SYNDIG1: variants seen among roughly 807,000 people sequenced by gnomAD.
SYNDIG1 encodes synapse differentiation inducing 1.
SYNDIG1 carries 9 observed loss-of-function variants against 19.4 expected under a neutral mutation model. The observed-to-expected ratio is 0.46, with a 90% CI of 0.28 to 0.81. The LOEUF (loss-of-function observed/expected upper bound fraction) is 0.81. Among genes scored for constraint, SYNDIG1 ranks in the 30% least tolerant of loss-of-function variants. The probability of loss-of-function intolerance (pLI) is 0.12; values close to 1 mark genes in which losing one functional copy is unlikely to be tolerated. For synonymous variants in SYNDIG1, 141 were observed against 145.9 expected (o/e 0.97, Z 0.24); for missense variants, 311 against 343.3 (o/e 0.91, Z 0.74).
In SYNDIG1 at chr20:24,473,441, G is replaced by C. The variant is rs148023668; in HGVS notation, c.-79+3688G>C. ...TTGTCGGCAGGAGGTTTGAACAAAT[G>C]TGGTTTCTCAGCATTCTCTGTGCAA... On this transcript the variant is annotated intron_variant, in intron 1 of 3. Coordinates refer to ENST00000376862, the MANE Select transcript of SYNDIG1 (RefSeq NM_024893.3). Among the ~76,000 whole-genome samples, 55 of 152,318 alleles carry C rather than the reference G, an allele frequency of 3.6e-4. No individual in the cohort carries two copies. The East Asian group carries it at 3.9e-3, about 11-fold the overall frequency.
At chr20:24,565,715 C>T (rs890129102) in intron 2 of SYNDIG1, among the ~76,000 whole-genome samples, 1 of 152,188 alleles carries the variant, frequency 6.6e-6, no homozygotes, top group Non-Finnish European at 1.5e-5. Flanking sequence ...TCCAGACTCC[C>T]TGTGGGGGAT....
At chr20:24,597,600 T>C (rs941179287) in intron 3 of SYNDIG1, among the ~76,000 whole-genome samples, 2 of 152,094 alleles carry the variant, frequency 1.3e-5, no homozygotes, top group East Asian at 1.9e-4. Flanking sequence ...GTGGTAAGCG[T>C]TGGACAGAAA....
At chr20:24,650,611 T>C (rs1205634996) in intron 3 of SYNDIG1, among the ~76,000 whole-genome samples, 2 of 152,246 alleles carry the variant, frequency 1.3e-5, no homozygotes, top group Non-Finnish European at 2.9e-5. Flanking sequence ...CCTTAAGCAC[T>C]GGGTCTCAGA....
At chr20:24,530,975 A>AT (rs1439480704) in intron 1 of SYNDIG1, among the ~76,000 whole-genome samples, 5 of 151,658 alleles carry the variant, frequency 3.3e-5, no homozygotes, top group African/African-American at 7.3e-5. Flanking sequence ...AGCCCAGCTA[A>AT]TTTTTTTGTA....
intron 2 of SYNDIG1, among the ~76,000 whole-genome samples, chr20:24,578,104 A>G (rs2058258924): frequency 6.6e-6 from 1 of 152,232 alleles, no homozygotes; most frequent in Non-Finnish European, 1.5e-5. Context: ...CTTAGGATAC[A>G]GCTTTGGATA....
intron 1 of SYNDIG1, among the ~76,000 whole-genome samples, chr20:24,539,842 G>A (rs980520071): frequency 5.3e-5 from 8 of 151,984 alleles, no homozygotes; most frequent in Non-Finnish European, 8.8e-5. Flanking sequence ...CCAGTGGCAC[G>A]ATCTCAGCTC....
chr20:24,584,016 C>T (rs557503966), intron 2 of SYNDIG1, among the ~76,000 whole-genome samples: 1 of 152,172 alleles, frequency 6.6e-6, no homozygotes, highest in East Asian at 1.9e-4. Context: ...GTACGTGCAC[C>T]CCTGAACCTA....
At chr20:24,529,051 T>C (rs1311815953) in intron 1 of SYNDIG1, among the ~76,000 whole-genome samples, 1 of 152,116 alleles carries the variant, frequency 6.6e-6, no homozygotes, top group Non-Finnish European at 1.5e-5. Context: ...AAAAAAACAG[T>C]TTTACCCAAA....
At chr20:24,595,169 A>G (rs1338999789) in intron 3 of SYNDIG1, among the ~76,000 whole-genome samples, 1 of 152,102 alleles carries the variant, frequency 6.6e-6, no homozygotes, top group Non-Finnish European at 1.5e-5. Flanking sequence ...GGCTCTTATT[A>G]TTTTGAGTGT....
chr20:24,653,868 G>T (rs2059497717), intron 3 of SYNDIG1, among the ~76,000 whole-genome samples: 1 of 152,160 alleles, frequency 6.6e-6, no homozygotes, highest in Admixed American at 6.5e-5. Flanking sequence ...CTGTGTCCCT[G>T]TCATCTCTTC....
At chr20:24,523,615 A>C (rs1034458129) in intron 1 of SYNDIG1, among the ~76,000 whole-genome samples, 5 of 152,206 alleles carry the variant, frequency 3.3e-5, no homozygotes, top group Non-Finnish European at 7.3e-5. Flanking sequence ...TCCAGGTCAA[A>C]CGGATTCTGT....
chr20:24,546,950 A>G (rs182291443), intron 2 of SYNDIG1, among the ~76,000 whole-genome samples: 3 of 152,342 alleles, frequency 2.0e-5, no homozygotes, highest in African/African-American at 7.2e-5. Flanking sequence ...CACTTGGTTT[A>G]TAGCAAATGG....
At chr20:24,604,493 G>C (rs530198925) in intron 3 of SYNDIG1, among the ~76,000 whole-genome samples, 3 of 152,094 alleles carry the variant, frequency 2.0e-5, no homozygotes, top group African/African-American at 4.8e-5. Context: ...TACATGCACC[G>C]CCATGCTAAA....
intron 3 of SYNDIG1, among the ~76,000 whole-genome samples, chr20:24,617,277 C>CT (rs1014080742): frequency 6.7e-4 from 102 of 152,234 alleles, no homozygotes; most frequent in African/African-American, 2.1e-3. Flanking sequence ...CATCCTTCCT[C>CT]TCCCTCACCT....
chr20:24,662,248 G>A (rs922912517), intron 3 of SYNDIG1, among the ~76,000 whole-genome samples: 10 of 151,786 alleles, frequency 6.6e-5, no homozygotes, highest in African/African-American at 2.4e-4. Flanking sequence ...CGCTGCACTT[G>A]AGGGACAGGA....
At chr20:24,632,524 G>A (rs1459897594) in intron 3 of SYNDIG1, among the ~76,000 whole-genome samples, 1 of 152,202 alleles carries the variant, frequency 6.6e-6, no homozygotes, top group African/African-American at 2.4e-5. Flanking sequence ...ACAGGCATGA[G>A]CCACCACATC....
chr20:24,561,839 G>A (rs1004671869), intron 2 of SYNDIG1, among the ~76,000 whole-genome samples: 4 of 152,204 alleles, frequency 2.6e-5, no homozygotes, highest in Admixed American at 6.5e-5. Context: ...ATGGCTTGTG[G>A]TTAGGTTGAG....
chr20:24,583,563 G>A (rs1400208286), intron 2 of SYNDIG1, among the ~76,000 whole-genome samples: 1 of 152,210 alleles, frequency 6.6e-6, no homozygotes, highest in Non-Finnish European at 1.5e-5. Flanking sequence ...CCTGGCGTTT[G>A]GAAGAGTTGG....
intron 1 of SYNDIG1, among the ~76,000 whole-genome samples, chr20:24,517,672 A>ATGTGTATATGTATATATATCTACACATG (rs2056909245): frequency 6.9e-6 from 1 of 144,778 alleles, no homozygotes; most frequent in Non-Finnish European, 1.5e-5. Flanking sequence ...ACACATATAT[A>ATGTGTATATGTATATATATCTACACATG]TGTGTATATG....
Sources: gnomAD v4.1 joint callset for allele counts (sites outside exome capture counted in the v4.1 genomes callset) on GRCh38, gnomAD v4.1.1 for gene constraint, MANE v1.5 for transcripts, NCBI Gene and HGNC (gene_info 2026-07-23, HGNC 2026-07-21) for gene names.